Variants in MAST4 observed in about 807,000 individuals in gnomAD.
MAST4 encodes microtubule-associated serine/threonine-protein kinase 4.
MAST4 carries 89 observed loss-of-function variants against 162.7 expected under a neutral mutation model. That is an observed-to-expected ratio of 0.55 (90% CI 0.46 to 0.65). The LOEUF is 0.65. Ranked by LOEUF, MAST4 falls within the 30% of genes least tolerant of loss-of-function variation. MAST4 has a pLI of 0.00. For synonymous variants in MAST4, 1,479 were observed against 1,361.1 expected (o/e 1.09, Z -1.91); for missense variants, 3,153 against 3,374.0 (o/e 0.93, Z 1.62).
At chr5:67,049,372 G>T (rs948019717) in intron 4 of MAST4, among the ~76,000 whole-genome samples, 2 of 151,994 alleles carry the variant, frequency 1.3e-5, no homozygotes, top group Admixed American at 1.3e-4. Flanking sequence ...GTGAAGAAAT[G>T]GAGACAGAAA....
intron 1 of MAST4, among the ~76,000 whole-genome samples, chr5:66,720,329 GC>G (rs1176586512): frequency 2.6e-5 from 4 of 151,162 alleles, no homozygotes; most frequent in Non-Finnish European, 4.4e-5. Context: ...ATTTTCAATA[GC>G]ATAAAAATTC....
intron 1 of MAST4, among the ~76,000 whole-genome samples, chr5:66,688,195 C>T (rs894245153): frequency 6.6e-6 from 1 of 152,186 alleles, no homozygotes; most frequent in African/African-American, 2.4e-5. Context: ...ATGTTGATGT[C>T]AAGTCTATCA....
intron 4 of MAST4, among the ~76,000 whole-genome samples, chr5:67,042,015 C>A (rs1489597830): frequency 3.3e-5 from 5 of 152,162 alleles, no homozygotes; most frequent in Admixed American, 3.3e-4. Context: ...CTACTAATGG[C>A]AAGTCCTTGT....
chr5:67,013,735 T>C (rs971666026), intron 4 of MAST4, among the ~76,000 whole-genome samples: 9 of 152,174 alleles, frequency 5.9e-5, no homozygotes, highest in African/African-American at 2.2e-4. Flanking sequence ...AATTGGGAAT[T>C]ATAATAATTT....
At chr5:66,624,751 G>A (rs1263964154) in intron 1 of MAST4, among the ~76,000 whole-genome samples, 4 of 152,180 alleles carry the variant, frequency 2.6e-5, no homozygotes, top group African/African-American at 4.8e-5. Flanking sequence ...CATATTTATG[G>A]TCAACAATTT....
rs540747586 is a variant in MAST4 at position 66,935,413 on chromosome 5, A to G, written c.674+35431A>G. On this transcript the variant is annotated intron_variant, in intron 4 of 28. Transcript: ENST00000403625. ...AGGCCAATTATATTGGAACCTTGCAACCTCATTACTACCCTCTGAATCTGA... is the reference window on the plus strand; with the variant it reads ...AGGCCAATTATATTGGAACCTTGCAGCCTCATTACTACCCTCTGAATCTGA... Among the ~76,000 whole-genome samples the G allele has an allele frequency of 5.3e-5, 8 of 152,136 alleles. No individual in the cohort carries two copies. The East Asian group carries it at 1.6e-3, about 29-fold the overall frequency.
At chr5:66,973,151 A>T (rs1186098310) in intron 4 of MAST4, among the ~76,000 whole-genome samples, 5 of 152,128 alleles carry the variant, frequency 3.3e-5, no homozygotes, top group Admixed American at 2.0e-4. Flanking sequence ...CTTCACCCCT[A>T]AATACTTAAG....
At chr5:66,789,439 C>T (rs1313259519) in intron 3 of MAST4, among the ~76,000 whole-genome samples, 2 of 152,046 alleles carry the variant, frequency 1.3e-5, no homozygotes, top group Non-Finnish European at 2.9e-5. Context: ...TTAAATTGTC[C>T]CTCTCTTTAG....
intron 2 of MAST4, among the ~76,000 whole-genome samples, chr5:66,771,308 C>T (rs1292089219): frequency 6.6e-6 from 1 of 152,004 alleles, no homozygotes; most frequent in Non-Finnish European, 1.5e-5. Flanking sequence ...CCTCAGCCTC[C>T]TGCGTAGCTG....
intron 1 of MAST4, among the ~76,000 whole-genome samples, chr5:66,743,269 C>A (rs1171040192): frequency 6.6e-6 from 1 of 152,198 alleles, no homozygotes; most frequent in African/African-American, 2.4e-5. Flanking sequence ...GTGTTTCTGT[C>A]ATTTTCTCCT....
chr5:66,944,250 C>T (rs1262353758), intron 4 of MAST4, among the ~76,000 whole-genome samples: 1 of 152,056 alleles, frequency 6.6e-6, no homozygotes, highest in Non-Finnish European at 1.5e-5. Flanking sequence ...CCTGAATTGC[C>T]TTATATGATA....
intron 4 of MAST4, among the ~76,000 whole-genome samples, chr5:66,964,572 C>T (rs1002078087): frequency 5.3e-5 from 8 of 152,124 alleles, no homozygotes; most frequent in African/African-American, 1.7e-4. Flanking sequence ...GAGGTCGAGG[C>T]GGGCAGATCA....
chr5:66,639,278 T>TTTTGTGTGTG (rs375120511), intron 1 of MAST4, among the ~76,000 whole-genome samples: 1 of 138,624 alleles, frequency 7.2e-6, no homozygotes, highest in East Asian at 2.1e-4. Flanking sequence ...GAGAGGCAGC[T>TTTTGTGTGTG]TGTGTGTGTG....
At chr5:66,768,874 GTAATAT>G (rs1754231235) in intron 2 of MAST4, among the ~76,000 whole-genome samples, 1 of 151,952 alleles carries the variant, frequency 6.6e-6, no homozygotes, top group Non-Finnish European at 1.5e-5. Context: ...AATTATATCA[GTAATAT>G]TAATACATTT....
chr5:66,738,676 C>T (rs1752306906), intron 1 of MAST4, among the ~76,000 whole-genome samples: 2 of 152,158 alleles, frequency 1.3e-5, no homozygotes, highest in East Asian at 1.9e-4. Context: ...TGCAGGCCAG[C>T]GTAGGTGGTT....
chr5:66,988,737 A>C (rs1659961547), intron 4 of MAST4, among the ~76,000 whole-genome samples: 1 of 152,214 alleles, frequency 6.6e-6, no homozygotes, highest in African/African-American at 2.4e-5. Flanking sequence ...CAGTTTCTCA[A>C]GCACGAAGAG....
intron 1 of MAST4, chr5:66,662,219 A>G (rs1746958541): frequency 6.6e-6 from 1 of 152,096 alleles, no homozygotes; most frequent in Non-Finnish European, 1.5e-5. Flanking sequence ...AATTGGGGCT[A>G]TTTAAAAAAA....
chr5:66,649,279 G>A (rs962701478), intron 1 of MAST4, among the ~76,000 whole-genome samples: 2 of 152,160 alleles, frequency 1.3e-5, no homozygotes, highest in South Asian at 2.1e-4. Context: ...TGTCTGTCAG[G>A]TAAATGGATA....
chr5:66,819,075 A>G (rs1387445799), intron 3 of MAST4, among the ~76,000 whole-genome samples: 1 of 152,214 alleles, frequency 6.6e-6, no homozygotes, highest in Non-Finnish European at 1.5e-5. Context: ...ATAGAGTCTC[A>G]GGGAGCACTT....
Sources: allele counts gnomAD v4.1 joint callset (sites outside exome capture counted in the v4.1 genomes callset), GRCh38; gene constraint gnomAD v4.1.1; transcripts MANE v1.5; gene names NCBI Gene and HGNC (gene_info 2026-07-23, HGNC 2026-07-21).